Variants in FAM186A observed in about 807,000 individuals in gnomAD.
FAM186A encodes the protein family with sequence similarity 186 member A, also known as protein FAM186A.
Under a neutral mutation model 216.8 loss-of-function variants are expected in FAM186A, and 163 were observed. The observed-to-expected ratio is 0.75, with a 90% confidence interval of 0.66 to 0.86. The LOEUF is 0.86. FAM186A is among the 40% of genes least tolerant of loss of function. FAM186A has a pLI of 0.00. For missense variants in FAM186A, 2,184 were observed against 2,746.2 expected (o/e 0.80, Z 4.58); for synonymous variants, 805 against 1,025.3 (o/e 0.79, Z 4.10).
chr12:50,363,070 A>C (rs1592618895), intron 2 of FAM186A, 75 bp downstream of exon 2: 2 of 1,249,452 alleles, frequency 1.6e-6, no homozygotes, highest in Admixed American at 2.8e-5. Context: ...TTAATCCTTC[A>C]AAATTTACTT....
intron 1 of FAM186A, among the ~76,000 whole-genome samples, chr12:50,372,994 GGAATGAAAGAAAGAAAGAAAGAAAGAAA>G (rs1205510948): frequency 6.4e-4 from 38 of 59,522 alleles, no homozygotes; most frequent in South Asian, 3.2e-3. Context: ...AAGGAAGGAA[GGAATGAAAGAAAGAAAGAAAGAAAGAAA>G]GAAAGAAAGA....
chr12:50,395,600 G>A (rs1019056474), intron 1 of FAM186A, among the ~76,000 whole-genome samples: 3 of 151,056 alleles, frequency 2.0e-5, no homozygotes, highest in Non-Finnish European at 3.0e-5. Context: ...ATAAGCCACC[G>A]CACCCGGCTG....
chr12:50,353,929 T>G lies in FAM186A; in HGVS notation c.2903A>C (p.Lys968Thr). 6.4e-7 allele frequency: 1 copy of G among 1,553,636 alleles called. No homozygotes were observed. Among genetic ancestry groups the G allele is most frequent in the Non-Finnish European group, 8.7e-7 (1 of 1,148,114 alleles). The change falls in exon 4 of 8, where the codon AAG becomes ACG. Residue 968 changes from lysine (K) to threonine (T), a missense_variant. Lys to Thr is a moderately conservative substitution (Grantham distance 78). Around this residue, in one of 7 missense-constraint regions of FAM186A, gnomAD observed 1,132 missense variants for 1,263.4 expected, o/e 0.90. Transcript: ENST00000327337. ...CTCTAGCCCTCTCTCTGGCTTCTGC[T>G]TTTCCTTCCCTTTCTCCCTTCTCCT... ...PHRRREKGKEKQKPERGLEDL... is the reference protein window; with the variant it reads ...PHRRREKGKETQKPERGLEDL...
At chr12:50,347,672 C>T (rs999454071) in intron 4 of FAM186A, among the ~76,000 whole-genome samples, 14 of 104,276 alleles carry the variant, frequency 1.3e-4, no homozygotes, top group African/African-American at 2.0e-4. Flanking sequence ...GAGGGAGACT[C>T]CATCTCAAAA....
chr12:50,385,905 A>G (rs1379150499), intron 1 of FAM186A, among the ~76,000 whole-genome samples: 1 of 152,020 alleles, frequency 6.6e-6, no homozygotes, highest in Non-Finnish European at 1.5e-5. Flanking sequence ...CCATCTCAAA[A>G]AAAAAAAAAG....
At chr12:50,362,936 A>G (rs534315315) in intron 2 of FAM186A, among the ~76,000 whole-genome samples, 30 of 152,314 alleles carry the variant, frequency 2.0e-4, no homozygotes, top group African/African-American at 7.2e-4. Flanking sequence ...CTTTAAAAAA[A>G]GCAAGGAGGC....
chr12:50,388,205 C>A (rs1381508630), intron 1 of FAM186A, among the ~76,000 whole-genome samples: 3 of 152,152 alleles, frequency 2.0e-5, no homozygotes, highest in Non-Finnish European at 2.9e-5. Flanking sequence ...AATGACCAGT[C>A]CCATCCTGAA....
chr12:50,393,891 T>G (rs887034567), intron 1 of FAM186A, among the ~76,000 whole-genome samples: 1 of 152,160 alleles, frequency 6.6e-6, no homozygotes, highest in Non-Finnish European at 1.5e-5. Context: ...AGAAAGTCTG[T>G]GTGAGGAGTG....
In FAM186A at chr12:50,354,894, C is replaced by T. The variant is rs1942955897; in HGVS notation, c.1938G>A (p.Val646=). The part of the protein sequence containing the change: ...SHQLVKSLSR[V]AKETSESTRV... ...TGGTAGATTCTGAAGTCTCTTTAGC[C>T]ACTCTTGAGAGTGATTTAACAAGTT... is the stretch of plus-strand genomic sequence containing the variant. Residue 646 remains valine, a synonymous_variant, in exon 4 of 8, where the codon GTG becomes GTA. Coordinates refer to ENST00000327337, the MANE Select transcript of FAM186A (RefSeq NM_001145475.3). 4.5e-6 allele frequency: 7 copies of T among 1,550,586 alleles called. No individual in the cohort carries two copies. The highest frequency in any genetic ancestry group is 6.1e-6 in the Non-Finnish European group (7 of 1,146,876).
In FAM186A at chr12:50,343,973, G is replaced by A. The variant is rs531936516; in HGVS notation, c.6503+6356C>T. On this transcript the variant is annotated intron_variant, in intron 4 of 7. Coordinates refer to ENST00000327337, the MANE Select transcript of FAM186A (RefSeq NM_001145475.3). ...TCACCATGTTGGCCAGGCTGGTCTC[G>A]AACTCCTGGATTCAAGTGATTCACC... Among the ~76,000 whole-genome samples the A allele has an allele frequency of 1.9e-4, 27 of 142,862 alleles. 1 individual carries two copies. The South Asian group carries it at 5.7e-3, about 30-fold the overall frequency. The allele number at this position is 142,862 out of a possible 152,430, so 93.7% of individuals were successfully genotyped here. A position where few individuals can be genotyped will look rare whatever the true frequency, so the allele number is the denominator to read the frequency against.
intron 3 of FAM186A, among the ~76,000 whole-genome samples, chr12:50,360,259 AAATT>A (rs1397185310): frequency 7.7e-6 from 1 of 130,502 alleles, no homozygotes; most frequent in African/African-American, 2.7e-5. Context: ...AAAAAAAAAA[AAATT>A]AATAAATAAA....
At chr12:50,395,282 TCTC>T (rs1943402725) in intron 1 of FAM186A, among the ~76,000 whole-genome samples, 1 of 151,518 alleles carries the variant, frequency 6.6e-6, no homozygotes, top group Admixed American at 6.6e-5. Flanking sequence ...AGACAGGAGG[TCTC>T]CTTATGTTGG....
chr12:50,366,269 C>G (rs1055147360), intron 1 of FAM186A, among the ~76,000 whole-genome samples: 1 of 152,030 alleles, frequency 6.6e-6, no homozygotes, highest in Non-Finnish European at 1.5e-5. Flanking sequence ...TTTGCTAAAC[C>G]AAATGATGAA....
At chr12:50,340,541 G>A (rs143414986) in intron 4 of FAM186A, among the ~76,000 whole-genome samples, 2 of 151,846 alleles carry the variant, frequency 1.3e-5, no homozygotes, top group Admixed American at 6.6e-5. Flanking sequence ...GAGATCCATC[G>A]CTAAAAAAAA....
intron 1 of FAM186A, among the ~76,000 whole-genome samples, chr12:50,379,793 A>G (rs1307067940): frequency 6.6e-6 from 1 of 152,184 alleles, no homozygotes; most frequent in Non-Finnish European, 1.5e-5. Context: ...TCTCAAAAAA[A>G]AAAAGTAAAG....
chr12:50,380,891 G>A (rs1484588622), intron 1 of FAM186A, among the ~76,000 whole-genome samples: 2 of 152,208 alleles, frequency 1.3e-5, no homozygotes, highest in African/African-American at 4.8e-5. Flanking sequence ...GCATGGAGTG[G>A]CGAGGGGTAT....
chr12:50,330,541 A>G (rs1291928441), intron 7 of FAM186A, 32 bp downstream of exon 7: 8 of 1,539,442 alleles, frequency 5.2e-6, no homozygotes, highest in Non-Finnish European at 5.2e-6. Flanking sequence ...TCAAAGGCCC[A>G]ATTACCAGAG....
chr12:50,375,982 T>A (rs1943194377), intron 1 of FAM186A, among the ~76,000 whole-genome samples: 1 of 151,318 alleles, frequency 6.6e-6, no homozygotes, highest in African/African-American at 2.4e-5. Flanking sequence ...AAGTGCAGGG[T>A]CTGGCCACTG....
At chr12:50,391,504 T>C (rs1489824730) in intron 1 of FAM186A, among the ~76,000 whole-genome samples, 1 of 151,316 alleles carries the variant, frequency 6.6e-6, no homozygotes, top group African/African-American at 2.4e-5. Context: ...TTAGTAGATA[T>C]GGGGTTTTAC....
Sources: allele counts gnomAD v4.1 joint callset (sites outside exome capture counted in the v4.1 genomes callset), GRCh38; gene constraint gnomAD v4.1.1; regional missense constraint gnomAD v4.1.1; transcripts MANE v1.5; gene names NCBI Gene and HGNC (gene_info 2026-07-23, HGNC 2026-07-21).